Variants in MAPK10 observed in about 807,000 individuals in gnomAD.
MAPK10 encodes JNK3 alpha protein kinase.
Under a neutral mutation model 59.3 loss-of-function variants are expected in MAPK10, and 25 were observed. The observed-to-expected ratio is 0.42, with a 90% CI of 0.31 to 0.59. MAPK10 has a LOEUF of 0.59. Among genes scored for constraint, MAPK10 ranks in the 20% least tolerant of loss-of-function variants. The pLI is 0.15. For missense variants in MAPK10, 351 were observed against 568.9 expected, an observed-to-expected ratio of 0.62 and a Z score of 3.90; for synonymous variants, 190 against 200.5, an observed-to-expected ratio of 0.95 and a Z score of 0.44.
At chr4:86,361,580 C>A (rs1217160411), upstream of MAPK10, among the ~76,000 whole-genome samples, 1 of 152,104 alleles carries the variant, frequency 6.6e-6, no homozygotes, top group East Asian at 1.9e-4. Context: ...TATTGCAGCA[C>A]TATTCTAATA....
chr4:86,077,400 C>T (rs1399515576), intron 9 of MAPK10, among the ~76,000 whole-genome samples: 1 of 152,160 alleles, frequency 6.6e-6, no homozygotes, highest in African/African-American at 2.4e-5. Context: ...TTTTGGGCCT[C>T]TCATTTGCAC....
At chr4:86,133,604 T>A (rs1359181212) in intron 4 of MAPK10, among the ~76,000 whole-genome samples, 8 of 152,222 alleles carry the variant, frequency 5.3e-5, no homozygotes, top group Non-Finnish European at 1.2e-4. Context: ...TGTCTACAGT[T>A]TTATGTTTAG....
chr4:86,250,605 A>G (rs1287446331), intron 2 of MAPK10, among the ~76,000 whole-genome samples: 2 of 152,114 alleles, frequency 1.3e-5, no homozygotes, highest in Non-Finnish European at 2.9e-5. Context: ...TTACATCTCA[A>G]TTTCATAGAG....
At chr4:86,334,661 C>G (rs1173358783) in intron 2 of MAPK10, among the ~76,000 whole-genome samples, 2 of 152,034 alleles carry the variant, frequency 1.3e-5, no homozygotes, top group Non-Finnish European at 2.9e-5. Flanking sequence ...AACCTCCCCA[C>G]TTCATCTGAC....
chr4:86,566,387 G>T (rs1425281324), intron 1 of MAPK10, among the ~76,000 whole-genome samples: 1 of 152,174 alleles, frequency 6.6e-6, no homozygotes, highest in African/African-American at 2.4e-5. Context: ...TTTCAGAGAA[G>T]CATCCTGTTT....
rs139131620 is a variant in MAPK10, at chr4:86,064,628, C to T, written c.986-238G>A. 1.6e-3 allele frequency: 780 copies of T among 474,180 alleles called. 10 individuals are homozygous for T. In the East Asian group the frequency reaches 0.025, roughly 15 times the overall value. 29.4% of individuals were successfully genotyped at this position (474,180 alleles called of 1,614,324 possible). ...GTAACACTTTGGGTATATAATTATT[C>T]ACGCAAACTTCTTAGTAAAATGTAT... On this transcript the variant is annotated intron_variant, in intron 10 of 13. Transcript: ENST00000641462.
intron 1 of MAPK10, among the ~76,000 whole-genome samples, chr4:86,554,933 T>C (rs1760140728): frequency 6.6e-6 from 1 of 152,210 alleles, no homozygotes; most frequent in Middle Eastern, 3.2e-3. Flanking sequence ...ATATATCTTT[T>C]CAAAACTCTA....
At chr4:86,347,388 A>G (rs1728822535) in intron 2 of MAPK10, among the ~76,000 whole-genome samples, 1 of 152,162 alleles carries the variant, frequency 6.6e-6, no homozygotes, top group Non-Finnish European at 1.5e-5. Context: ...CTCCAGGAAA[A>G]TCCCAATTTC....
chr4:86,234,860 T>C (rs1362005223), intron 2 of MAPK10, among the ~76,000 whole-genome samples: 1 of 152,166 alleles, frequency 6.6e-6, no homozygotes, highest in Non-Finnish European at 1.5e-5. Flanking sequence ...TACATCTCTT[T>C]GTAAGGAAAG....
chr4:86,379,032 G>GCTTACCTCATTGT, intron 1 of MAPK10, among the ~76,000 whole-genome samples: 1 of 152,166 alleles, frequency 6.6e-6, no homozygotes, highest in African/African-American at 2.4e-5. Flanking sequence ...AGGAAATGTA[G>GCTTACCTCATTGT]GTAAGTATGG....
At position 86,494,842 on chromosome 4, in the gene MAPK10, C is replaced by CAAAAAAAAAA. The variant is rs567947232; in HGVS notation, c.-263+99058_-263+99067dup. ...TGGGCGACAGAGAGAGACTCCGTCT[C>CAAAAAAAAAA]AAAAAAAAAAAAAAAAAAAAAAAAA... On this transcript the variant is annotated intron_variant, in intron 1 of 4. Transcript: ENST00000502302. Among the ~76,000 whole-genome samples the CAAAAAAAAAA allele has an allele frequency of 2.5e-4, 6 of 23,988 alleles. 1 individual carries two copies. Among genetic ancestry groups the CAAAAAAAAAA allele is most frequent in the African/African-American group, 7.1e-4 (3 of 4,210 alleles). The allele number at this position is 23,988 out of a possible 152,430, so 15.7% of individuals were successfully genotyped here. A position where few individuals can be genotyped will look rare whatever the true frequency, so the allele number is the denominator to read the frequency against.
intron 1 of MAPK10, among the ~76,000 whole-genome samples, chr4:86,506,865 G>A (rs1405211117): frequency 6.6e-6 from 1 of 152,104 alleles, no homozygotes; most frequent in Non-Finnish European, 1.5e-5. Context: ...AAGACACACA[G>A]ATACAGTTAA....
intron 1 of MAPK10, among the ~76,000 whole-genome samples, chr4:86,554,979 C>T (rs1244284823): frequency 1.3e-5 from 2 of 152,180 alleles, no homozygotes; most frequent in Admixed American, 1.3e-4. Context: ...TCTTCAGATG[C>T]CCTTTCTTCC....
intron 1 of MAPK10, among the ~76,000 whole-genome samples, chr4:86,424,154 C>T (rs1033520722): frequency 5.3e-5 from 8 of 152,070 alleles, no homozygotes; most frequent in Admixed American, 3.9e-4. Context: ...CACTCCAGTT[C>T]AGACCGACTT....
chr4:86,290,701 A>C (rs533190906), intron 2 of MAPK10, among the ~76,000 whole-genome samples: 1 of 152,298 alleles, frequency 6.6e-6, no homozygotes, highest in South Asian at 2.1e-4. Context: ...GCACTCAATA[A>C]ATACTGGTTG....
intron 4 of MAPK10, among the ~76,000 whole-genome samples, chr4:86,143,465 GA>G (rs1374695861): frequency 6.6e-6 from 1 of 152,204 alleles, no homozygotes; most frequent in African/African-American, 2.4e-5. Context: ...CTGTGAAACA[GA>G]ATTGTCCTAT....
chr4:86,381,262 T>A (rs1035291566), intron 1 of MAPK10, among the ~76,000 whole-genome samples: 26 of 152,140 alleles, frequency 1.7e-4, no homozygotes, highest in Admixed American at 7.2e-4. Context: ...CTCCTGGCCT[T>A]GTAACATGGA....
chr4:86,475,290 C>A (rs1752991456), intron 1 of MAPK10, among the ~76,000 whole-genome samples: 1 of 152,178 alleles, frequency 6.6e-6, no homozygotes, highest in African/African-American at 2.4e-5. Context: ...TGTCCTCCTG[C>A]TCTTTGCTCC....
chr4:86,286,037 C>T (rs983695354), intron 2 of MAPK10, among the ~76,000 whole-genome samples: 2 of 152,208 alleles, frequency 1.3e-5, no homozygotes, highest in Non-Finnish European at 2.9e-5. Context: ...AATTCAAATG[C>T]CAATTTCTTC....
Sources: allele counts gnomAD v4.1 joint callset (sites outside exome capture counted in the v4.1 genomes callset), GRCh38; gene constraint gnomAD v4.1.1; transcripts MANE v1.5; gene names NCBI Gene and HGNC (gene_info 2026-07-23, HGNC 2026-07-21).